Variants in WDR1 observed in about 807,000 individuals in gnomAD.
The protein encoded by WDR1 is WD repeat-containing protein 1.
A neutral mutation model predicts 71.9 loss-of-function variants in WDR1; 21 were observed. The ratio of observed to expected loss-of-function variants is 0.29; its 90% confidence interval spans 0.21 to 0.42. The LOEUF (loss-of-function observed/expected upper bound fraction) is 0.42, where lower values mean the gene tolerates loss of function less well. WDR1 is among the 10% of genes least tolerant of loss of function. The probability of loss-of-function intolerance (pLI) is 1.00; values close to 1 mark genes in which losing one functional copy is unlikely to be tolerated. For missense variants in WDR1, 696 were observed against 824.5 expected, an observed-to-expected ratio of 0.84 and a Z score of 1.91; for synonymous variants, 424 against 347.4, an observed-to-expected ratio of 1.22 and a Z score of -2.45.
chr4:10,106,517 C>G (rs1577075969), intron 2 of WDR1: 1 of 152,406 alleles, frequency 6.6e-6, no homozygotes, highest in East Asian at 1.9e-4. Context: ...GCTCTCCCAG[C>G]CTGGACGACC....
intron 5 of WDR1, chr4:10,093,140 C>A: frequency 6.2e-6 from 8 of 1,289,410 alleles, no homozygotes; most frequent in Non-Finnish European, 8.1e-6. Flanking sequence ...CCCCAGCTGG[C>A]CTGTCTCCAG....
At chr4:10,090,036 G>C (rs367655859) in intron 5 of WDR1, among the ~76,000 whole-genome samples, 1 of 152,208 alleles carries the variant, frequency 6.6e-6, no homozygotes, top group Admixed American at 6.5e-5. Context: ...CAGAGTTGGG[G>C]TGAAGCTGGA....
intron 2 of WDR1, among the ~76,000 whole-genome samples, chr4:10,114,352 A>C (rs1008979933): frequency 2.0e-5 from 3 of 152,208 alleles, no homozygotes; most frequent in African/African-American, 7.2e-5. Context: ...CCTGTCCCTG[A>C]ATGACCACTC....
intron 2 of WDR1, among the ~76,000 whole-genome samples, chr4:10,113,721 T>C (rs1341544982): frequency 6.6e-6 from 1 of 152,192 alleles, no homozygotes. Context: ...GCCAGGGAAA[T>C]CTGTTAGATT....
At position 10,075,412 on chromosome 4, in the gene WDR1, T is replaced by C; in HGVS notation, c.1787A>G (p.Asp596Gly). 1 of 1,613,920 alleles carries C rather than the reference T, an allele frequency of 6.2e-7. No individual in the cohort carries two copies. Among genetic ancestry groups the C allele is most frequent in the Non-Finnish European group, 8.5e-7 (1 of 1,179,876 alleles). ...DEHTLVTTSH[D>G]ASVKEWTITY ...GATTGTCCACTCCTTGACAGAGGCA[T>C]CATGGGAGGTCGTGACCAGCGTGTG... Residue 596 changes from aspartate (D) to glycine (G), a missense_variant, in exon 15 of 15, where the codon GAT becomes GGT. Asp to Gly is a moderately conservative substitution (Grantham distance 94, BLOSUM62 -1). Coordinates refer to ENST00000499869, the MANE Select transcript of WDR1 (RefSeq NM_017491.5).
Position 10,097,711 on chromosome 4 carries a change from G to T in WDR1, c.558C>A (p.Gly186=). 6.2e-7 allele frequency: 1 copy of T among 1,608,006 alleles called. No individual in the cohort carries two copies. ...TCACCCAAAAAGTAAGTTCACTTAC[G>T]CCAATTGTGAACTTGAACTTGAATG... The part of the protein sequence containing the change: ...GPPFKFKFTI[G]DHSRFVNCVR... Residue 186 remains glycine (G), a splice_region_variant and synonymous_variant, in exon 5 of 15, where the codon GGC becomes GGA. Coordinates refer to ENST00000499869, the MANE Select transcript of WDR1 (RefSeq NM_017491.5).
chr4:10,091,446 C>T (rs1439004506), intron 5 of WDR1: 1 of 152,236 alleles, frequency 6.6e-6, no homozygotes, highest in African/African-American at 2.4e-5. Context: ...CCCCGAGGGG[C>T]CATGGAGAGC....
In WDR1 at chr4:10,074,745, A is replaced by AC. The variant is rs1553919832; in HGVS notation, c.*632_*633insG. The AC allele has an allele frequency of 1.4e-5, 2 of 147,498 alleles. No individual in the cohort carries two copies. Among genetic ancestry groups the AC allele is most frequent in the Non-Finnish European group, 3.1e-5 (2 of 64,600 alleles). The allele number at this position is 147,498 out of a possible 1,614,324, so 9.1% of individuals were successfully genotyped here. ...CACTGACAGGCAACAGTTAAGATACATTAAAAAAAAAGGAAAGATACCCAC... is the reference window on the plus strand; with the variant it reads ...CACTGACAGGCAACAGTTAAGATACACTTAAAAAAAAAGGAAAGATACCCAC... On this transcript the variant is annotated 3_prime_UTR_variant, in exon 15 of 15. Transcript: ENST00000499869.
rs766851145 is a variant in WDR1 at position 10,077,842 on chromosome 4, C to T, written c.1480G>A (p.Asp494Asn). The change falls in exon 13 of 15, where the codon GAC becomes AAC. Residue 494 changes from aspartate to asparagine, a missense_variant. Physicochemically the swap from Asp to Asn is conservative, Grantham distance 23. Transcript: ENST00000499869. ...KLLEAKGPVT[D>N]VAYSHDGAFL... ...GCGCCGTCGTGGGAGTAGGCCACGTCGGTCACGGGGCCCTTGGCCTCTAGG... is the reference window on the plus strand; with the variant it reads ...GCGCCGTCGTGGGAGTAGGCCACGTTGGTCACGGGGCCCTTGGCCTCTAGG... 2 of 1,609,986 alleles carry T rather than the reference C, an allele frequency of 1.2e-6. No individual in the cohort carries two copies. The highest frequency in any genetic ancestry group is 1.7e-6 in the Non-Finnish European group (2 of 1,178,238).
Position 10,087,773 on chromosome 4 carries a change from G to A in WDR1, c.885C>T (p.Val295=). ...CLWQKDHLLS[V]SLSGYINYLD... ...GATAGTTGATGTACCCGGACAGGGA[G>A]ACACTGAGCAGGTGGTCCTTCTGCC... The change falls in exon 8 of 15, where the codon GTC becomes GTT. Residue 295 remains valine, a synonymous_variant. Transcript: ENST00000499869. 1 of 1,601,842 alleles carries A rather than the reference G, an allele frequency of 6.2e-7. No homozygotes were observed. Among genetic ancestry groups the A allele is most frequent in the Non-Finnish European group, 8.5e-7 (1 of 1,173,882 alleles).
chr4:10,096,846 G>A (rs1712377837), intron 5 of WDR1, among the ~76,000 whole-genome samples: 1 of 152,136 alleles, frequency 6.6e-6, no homozygotes, highest in African/African-American at 2.4e-5. Context: ...CTCCTCCAAG[G>A]ACATCAACAG....
intron 8 of WDR1, among the ~76,000 whole-genome samples, chr4:10,085,777 A>C (rs1411772168): frequency 3.9e-5 from 6 of 152,198 alleles, no homozygotes; most frequent in Non-Finnish European, 5.9e-5. Flanking sequence ...AGGTGGTTCT[A>C]ACACGCAGCC....
At chr4:10,089,098 T>A (rs1319074792) in intron 5 of WDR1, among the ~76,000 whole-genome samples, 2 of 152,222 alleles carry the variant, frequency 1.3e-5, no homozygotes, top group East Asian at 3.9e-4. Context: ...TCACGATGGC[T>A]GAGACCAGGA....
chr4:10,083,134 T>G lies in WDR1; in HGVS notation c.1084A>C (p.Lys362Gln), dbSNP rs1765079923. ...CTGGACACCTGGTTCGTGTGGCCTT[T>G]CCCAGCGAAGGAGTCGTTCTCCCCC... ...ETGENDSFAG[K>Q]GHTNQVSRMT... is the part of the protein sequence containing the mutation. Residue 362 changes from lysine to glutamine, a missense_variant, in exon 10 of 15, where the codon AAA becomes CAA. Transcript: ENST00000499869. 6.2e-7 allele frequency: 1 copy of G among 1,613,900 alleles called. No homozygotes were observed. The highest frequency in any genetic ancestry group is 8.5e-7 in the Non-Finnish European group (1 of 1,179,856).
At chr4:10,083,274 A>T in intron 9 of WDR1, 96 bp from the exon 10 acceptor site, 1 of 1,435,508 alleles carries the variant, frequency 7.0e-7, no homozygotes, top group Non-Finnish European at 9.3e-7. Context: ...ATCAAGAATG[A>T]GAATCTCGCC....
At chr4:10,078,653 G>A in intron 12 of WDR1, 1 of 468,050 alleles carries the variant, frequency 2.1e-6, no homozygotes, top group Non-Finnish European at 3.8e-6. Flanking sequence ...ACAGTCTTGT[G>A]GGCACCCGGG....
rs572062511 is a variant in WDR1, at chr4:10,084,311, C to A, written c.1039+132G>T. The A allele has an allele frequency of 7.8e-6, 6 of 766,402 alleles. No homozygotes were observed. The Admixed American group carries it at 8.7e-5, about 11-fold the overall frequency. 47.5% of individuals were successfully genotyped at this position (766,402 alleles called of 1,614,324 possible). On this transcript the variant is annotated intron_variant, in intron 9 of 14. Coordinates refer to ENST00000499869, the MANE Select transcript of WDR1 (RefSeq NM_017491.5). ...AGACAGGCCACCCCTAGAAGCCACA[C>A]GGGTCAGAAGAGCGTGTGGCTGTGG...
chr4:10,079,044 G>C (rs762804791), intron 11 of WDR1, 43 bp from the exon 12 acceptor site: 6 of 1,508,612 alleles, frequency 4.0e-6, no homozygotes, highest in Non-Finnish European at 4.5e-6. Flanking sequence ...CCAGCCCTTC[G>C]GGACAAAACC....
intron 3 of WDR1, 21 bp from the exon 4 acceptor site, chr4:10,099,160 GGGAGGGGGGGAGGCGGT>G: frequency 7.0e-7 from 1 of 1,429,034 alleles, no homozygotes; most frequent in Non-Finnish European, 9.7e-7. Context: ...CAGCGGGCGG[GGGAGGGGGGGAGGCGGT>G]GGTGGGGTAA....
Sources: allele counts gnomAD v4.1 joint callset (sites outside exome capture counted in the v4.1 genomes callset), GRCh38; gene constraint gnomAD v4.1.1; transcripts MANE v1.5; gene names NCBI Gene and HGNC (gene_info 2026-07-23, HGNC 2026-07-21).